The following SRP14 variants were observed in gnomAD, a reference collection of about 807,000 sequenced individuals.
SRP14 encodes the protein signal recognition particle 14 kDa protein.
In SRP14, 1 loss-of-function variant was observed where a neutral mutation model predicts 16.0. That is an observed-to-expected ratio of 0.06 (90% CI 0.02 to 0.30). The LOEUF (loss-of-function observed/expected upper bound fraction) is 0.30, where lower values mean the gene tolerates loss of function less well. SRP14 is among the 10% of genes least tolerant of loss of function. The pLI is 1.00. For synonymous variants in SRP14, 67 were observed against 60.1 expected (o/e 1.12, Z -0.53); for missense variants, 120 against 163.1 (o/e 0.74, Z 1.44).
chr15:40,037,220 G>T, intron 3 of SRP14: 1 of 1,207,618 alleles, frequency 8.3e-7, no homozygotes, highest in Non-Finnish European at 1.1e-6. Context: ...AAGGAGCTCT[G>T]CATCTTTTTC....
In SRP14 at chr15:40,036,498, A is replaced by C. The variant is rs762524253; in HGVS notation, c.246T>G (p.Ala82=). Reference sequence around the variant, plus strand: ...TGTTAGCTCTAAGGAGGTTTGAATAAGCCTGAAAGATACAACAGAGCATAC... The same window carrying C: ...TGTTAGCTCTAAGGAGGTTTGAATACGCCTGAAAGATACAACAGAGCATAC... ...SSKEVNKFQM[A]YSNLLRANMD... is the part of the protein sequence containing the mutation. The change falls in exon 5 of 5, where the codon GCT becomes GCG. Residue 82 remains alanine, a splice_region_variant and synonymous_variant. Transcript: ENST00000267884. 6.2e-7 allele frequency: 1 copy of C among 1,613,868 alleles called. No homozygotes were observed. Among genetic ancestry groups the C allele is most frequent in the Non-Finnish European group, 8.5e-7 (1 of 1,179,808 alleles).
At position 40,038,275 on chromosome 15, in the gene SRP14, A is replaced by G; in HGVS notation, c.210+7T>C. 1 of 1,600,372 alleles carries G rather than the reference A, an allele frequency of 6.2e-7. No homozygotes were observed. The highest frequency in any genetic ancestry group is 1.3e-5 in the African/African-American group (1 of 74,810). ...TTTCAAAAGACAGCCTTAGAAATTA[A>G]GCTCACCACAGTGCTGATCTTCTTC... On this transcript the variant is annotated splice_region_variant and intron_variant, in intron 3 of 4. Transcript: ENST00000267884.
chr15:40,036,322 A>G lies in SRP14; in HGVS notation c.*11T>C. ...AGTGGTTAATTGGTGAAAGCAGGAAATGTATGCCCTTTACTGTGCTGCTGT... is the reference window on the plus strand; with the variant it reads ...AGTGGTTAATTGGTGAAAGCAGGAAGTGTATGCCCTTTACTGTGCTGCTGT... On this transcript the variant is annotated 3_prime_UTR_variant, in exon 5 of 5. Transcript: ENST00000267884. 1 of 1,612,220 alleles carries G rather than the reference A, an allele frequency of 6.2e-7. No individual in the cohort carries two copies. Among genetic ancestry groups the G allele is most frequent in the Non-Finnish European group, 8.5e-7 (1 of 1,178,376 alleles).
rs2035613916 is a variant in SRP14 at position 40,036,010 on chromosome 15, ATGGGT to A, written c.*318_*322del. 2 of 322,684 alleles carry A rather than the reference ATGGGT, an allele frequency of 6.2e-6. No individual in the cohort carries two copies. The highest frequency in any genetic ancestry group is 4.5e-5 in the Admixed American group (1 of 22,232). The allele number at this position is 322,684 out of a possible 1,614,324, so 20.0% of individuals were successfully genotyped here. On this transcript the variant is annotated 3_prime_UTR_variant, in exon 5 of 5. Coordinates refer to ENST00000267884, the MANE Select transcript of SRP14 (RefSeq NM_003134.6). The stretch of plus-strand genomic sequence containing the variant: ...AGTAGTTATTGCCAGAACTATTAAA[ATGGGT>A]TGGGAAAGGAATAAAGAGACAGTGC...
rs760726389 is a variant in SRP14, at chr15:40,036,531, G to A, written c.244-31C>T. 3.4e-5 allele frequency: 54 copies of A among 1,600,114 alleles called. No individual in the cohort carries two copies. In the African/African-American group the frequency reaches 6.3e-4, roughly 19 times the overall value. ...AGATACAACAGAGCATACCTTAGTG[G>A]GAAGATGTGCAAACTGGCAGAACAC... On this transcript the variant is annotated intron_variant, in intron 4 of 4. Coordinates refer to ENST00000267884, the MANE Select transcript of SRP14 (RefSeq NM_003134.6).
At position 40,039,151 on chromosome 15, in the gene SRP14, C is replaced by A. The variant is rs1287734640; in HGVS notation, c.-35G>T. 2 of 1,602,330 alleles carry A rather than the reference C, an allele frequency of 1.2e-6. No homozygotes were observed. Among genetic ancestry groups the A allele is most frequent in the Admixed American group, 1.7e-5 (1 of 58,994 alleles). On this transcript the variant is annotated 5_prime_UTR_variant, in exon 1 of 5. Transcript: ENST00000267884. The stretch of plus-strand genomic sequence containing the variant: ...GCTGGCTCGACTCCCTCCGCTTAAG[C>A]CCCTAGCAGTGAGAGCCGGAAGTTC...
At position 40,038,919 on chromosome 15, in the gene SRP14, C is replaced by G. The variant is rs577332619; in HGVS notation, c.54G>C (p.Gln18His). 6.0e-5 allele frequency: 97 copies of G among 1,613,228 alleles called. No homozygotes were observed. In the South Asian group the frequency reaches 1.0e-3, roughly 17 times the overall value. Residue 18 changes from glutamine to histidine, a missense_variant, in exon 2 of 5, where the codon CAG (glutamine) becomes CAC (histidine). This residue lies in a region of SRP14 where 33 missense variants were observed against 33.0 expected (regional missense o/e 1.00). Coordinates refer to ENST00000267884, the MANE Select transcript of SRP14 (RefSeq NM_003134.6). ...AGACGCTGCCCGACGTCCGGCACTT[C>G]TGGAAAAGTCTGGTCAGCTCCGTCA... Reference protein sequence around the residue: ...QFLTELTRLFQKCRTSGSVYI... With the variant: ...QFLTELTRLFHKCRTSGSVYI...
Position 40,036,033 on chromosome 15 carries a change from G to A in SRP14, c.*300C>T. ...AAATGGGTTGGGAAAGGAATAAAGA[G>A]ACAGTGCTGATAAACAGACATGTTT... On this transcript the variant is annotated 3_prime_UTR_variant, in exon 5 of 5. Transcript: ENST00000267884. The A allele has an allele frequency of 2.5e-6, 1 of 406,946 alleles. No homozygotes were observed. The highest frequency in any genetic ancestry group is 5.1e-5 in the South Asian group (1 of 19,744). The allele number at this position is 406,946 out of a possible 1,614,324, so 25.2% of individuals were successfully genotyped here. A position where few individuals can be genotyped will look rare whatever the true frequency, so the allele number is the denominator to read the frequency against.
At chr15:40,038,444 C>A in intron 2 of SRP14, 50 bp from the exon 3 acceptor site, 1 of 1,296,826 alleles carries the variant, frequency 7.7e-7, no homozygotes, top group Non-Finnish European at 1.1e-6. Context: ...CGTGGCTGAG[C>A]GGCAGACAAA....
At chr15:40,037,174 T>C in intron 3 of SRP14, 156 bp from the exon 4 acceptor site, 2 of 1,249,006 alleles carry the variant, frequency 1.6e-6, no homozygotes. Flanking sequence ...AATGGTTATT[T>C]TTCTACTCTA....
chr15:40,037,085 T>G (rs1349183467), intron 3 of SRP14, 67 bp from the exon 4 acceptor site: 10 of 1,552,310 alleles, frequency 6.4e-6, no homozygotes, highest in African/African-American at 2.8e-5. Flanking sequence ...CCACCCCAGA[T>G]AGTATCTCAA....
intron 2 of SRP14, 158 bp downstream of exon 2, chr15:40,038,718 T>C (rs1270184481): frequency 1.3e-6 from 1 of 771,436 alleles, no homozygotes; most frequent in Non-Finnish European, 2.1e-6. Flanking sequence ...CTGAGCCAGC[T>C]ACAATCCCTA....
chr15:40,038,178 G>C (rs901040135), intron 3 of SRP14, 104 bp downstream of exon 3: 2 of 913,582 alleles, frequency 2.2e-6, no homozygotes, highest in East Asian at 4.9e-5. Context: ...TAGCCACACA[G>C]GGCAAAAGGG....
chr15:40,036,748 G>T (rs898756542), intron 4 of SRP14: 10 of 631,266 alleles, frequency 1.6e-5, no homozygotes, highest in Non-Finnish European at 2.5e-5. Context: ...GCAACTTCTT[G>T]TTCAACTATA....
chr15:40,038,664 G>A (rs1032363337), intron 2 of SRP14: 1 of 621,326 alleles, frequency 1.6e-6, no homozygotes, highest in South Asian at 2.0e-5. Flanking sequence ...GCTGCTTGGG[G>A]CCCATTGTTA....
chr15:40,036,683 C>T (rs2035628677), intron 4 of SRP14, 183 bp from the exon 5 acceptor site: 2 of 707,022 alleles, frequency 2.8e-6, no homozygotes, highest in Non-Finnish European at 4.8e-6. Context: ...GCTTCTGCAA[C>T]ACCCACAGAC....
intron 3 of SRP14, 114 bp from the exon 4 acceptor site, chr15:40,037,132 C>G: frequency 3.0e-6 from 4 of 1,320,820 alleles, no homozygotes; most frequent in Non-Finnish European, 4.1e-6. Flanking sequence ...CTTTAAAATA[C>G]TTCTCCCCAA....
intron 2 of SRP14, 148 bp downstream of exon 2, chr15:40,038,725 CCTA>C (rs2035670861): frequency 2.5e-6 from 2 of 801,154 alleles, no homozygotes; most frequent in Admixed American, 2.5e-5. Flanking sequence ...AGCTACAATC[CCTA>C]CTATTTTCCG....
Position 40,036,218 on chromosome 15 carries a change from C to T in SRP14, c.*115G>A. On this transcript the variant is annotated 3_prime_UTR_variant, in exon 5 of 5. Transcript: ENST00000267884. The stretch of plus-strand genomic sequence containing the variant: ...ACTGCAACTATTCTTTCCAAAAGGA[C>T]CCTAATCTTATGTGAAAACACCTAC... 1 of 1,523,940 alleles carries T rather than the reference C, an allele frequency of 6.6e-7. No individual in the cohort carries two copies. Among genetic ancestry groups the T allele is most frequent in the South Asian group, 1.3e-5 (1 of 79,136 alleles). The allele number at this position is 1,523,940 out of a possible 1,614,324, so 94.4% of individuals were successfully genotyped here. A position where few individuals can be genotyped will look rare whatever the true frequency, so the allele number is the denominator to read the frequency against.
Sources: allele counts gnomAD v4.1 joint callset, GRCh38; gene constraint gnomAD v4.1.1; regional missense constraint gnomAD v4.1.1; transcripts MANE v1.5; gene names NCBI Gene and HGNC (gene_info 2026-07-23, HGNC 2026-07-21).